The following ZDHHC14 variants were observed in gnomAD, a reference collection of about 807,000 sequenced individuals.
ZDHHC14 encodes the protein palmitoyltransferase ZDHHC14.
Under a neutral mutation model 47.7 loss-of-function variants are expected in ZDHHC14, and 16 were observed. The observed-to-expected ratio is 0.34, with a 90% CI of 0.23 to 0.51. The LOEUF (loss-of-function observed/expected upper bound fraction) is 0.51. ZDHHC14 is among the 20% of genes least tolerant of loss of function. ZDHHC14 has a pLI of 0.97. For synonymous variants in ZDHHC14, 293 were observed against 278.9 expected (o/e 1.05, Z -0.50); for missense variants, 515 against 662.5 (o/e 0.78, Z 2.44).
At chr6:157,419,455 C>T (rs1216557158) in intron 1 of ZDHHC14, among the ~76,000 whole-genome samples, 2 of 152,190 alleles carry the variant, frequency 1.3e-5, no homozygotes, top group Non-Finnish European at 2.9e-5. Context: ...TGTAAATTCC[C>T]CATACACCCT....
chr6:157,484,304 T>TATATATAC (rs1779711587), intron 1 of ZDHHC14, among the ~76,000 whole-genome samples: 1 of 94,130 alleles, frequency 1.1e-5, no homozygotes, highest in Non-Finnish European at 2.2e-5. Flanking sequence ...TATATATATA[T>TATATATAC]ACATATATAT....
At chr6:157,533,997 C>T (rs1781455252) in intron 1 of ZDHHC14, among the ~76,000 whole-genome samples, 1 of 152,294 alleles carries the variant, frequency 6.6e-6, no homozygotes, top group Non-Finnish European at 1.5e-5. Flanking sequence ...TGGCACATTT[C>T]CCCTTAATGA....
rs138383487 is a variant in ZDHHC14 at position 157,589,370 on chromosome 6, A to G, written c.407-3618A>G. ...GGATACAAAACCAAACTATATCAACATCTCGGAGGAGTTTTTAGACATCTC... is the reference window on the plus strand; with the variant it reads ...GGATACAAAACCAAACTATATCAACGTCTCGGAGGAGTTTTTAGACATCTC... On this transcript the variant is annotated intron_variant, in intron 2 of 8. Transcript: ENST00000359775. 2.3e-3 allele frequency among the ~76,000 whole-genome samples: 350 copies of G among 152,196 alleles called. 2 individuals carry two copies. The highest frequency in any genetic ancestry group is 8.1e-3 in the African/African-American group (336 of 41,526).
intron 1 of ZDHHC14, among the ~76,000 whole-genome samples, chr6:157,404,219 C>T (rs148617383): frequency 8.8e-4 from 133 of 151,686 alleles, no homozygotes; most frequent in African/African-American, 3.1e-3. Flanking sequence ...TCACTGCAAC[C>T]TCCACCTCCC....
chr6:157,512,108 C>T (rs139999702), intron 1 of ZDHHC14, among the ~76,000 whole-genome samples: 4 of 152,338 alleles, frequency 2.6e-5, no homozygotes, highest in Non-Finnish European at 5.9e-5. Flanking sequence ...TTAATTCTTG[C>T]AGTTCCCTCC....
intron 8 of ZDHHC14, among the ~76,000 whole-genome samples, chr6:157,668,837 G>A (rs905909942): frequency 5.3e-5 from 8 of 152,254 alleles, no homozygotes; most frequent in African/African-American, 1.7e-4. Context: ...GTCCTGGCCA[G>A]TGAGGCCCAC....
intron 1 of ZDHHC14, among the ~76,000 whole-genome samples, chr6:157,492,157 G>A (rs907216075): frequency 3.3e-5 from 5 of 151,182 alleles, no homozygotes; most frequent in Non-Finnish European, 4.4e-5. Context: ...TTTTCCCTTG[G>A]CTTCTCTGCC....
intron 3 of ZDHHC14, among the ~76,000 whole-genome samples, chr6:157,615,797 G>GTTTTGTT (rs993953363): frequency 1.3e-5 from 2 of 151,558 alleles, no homozygotes; most frequent in Admixed American, 1.3e-4. Context: ...TTTTTGTTTT[G>GTTTTGTT]TTTTGTTTTG....
intron 1 of ZDHHC14, among the ~76,000 whole-genome samples, chr6:157,467,711 G>A (rs1447389333): frequency 6.6e-6 from 1 of 151,892 alleles, no homozygotes; most frequent in Non-Finnish European, 1.5e-5. Flanking sequence ...CAACACGTCT[G>A]GCTAATTTTT....
chr6:157,607,171 G>C lies in ZDHHC14; in HGVS notation c.565+14025G>C, dbSNP rs1030304711. On this transcript the variant is annotated intron_variant, in intron 3 of 8. Coordinates refer to ENST00000359775, the MANE Select transcript of ZDHHC14 (RefSeq NM_024630.3). ...AGAAACATGCTGGGAAGGGGTTCAC[G>C]GGCCTCAGCGGAATGCTGAGGGCTT... 2.6e-5 allele frequency among the ~76,000 whole-genome samples: 4 copies of C among 152,148 alleles called. No individual in the cohort carries two copies. In the East Asian group the frequency reaches 5.8e-4, roughly 22 times the overall value.
chr6:157,384,530 C>G (rs2749665), intron 1 of ZDHHC14, among the ~76,000 whole-genome samples: 1 of 152,074 alleles, frequency 6.6e-6, no homozygotes, highest in African/African-American at 2.4e-5. Context: ...TCTGTGGGAG[C>G]GTATGTGTGT....
At chr6:157,601,728 A>G (rs149973473) in intron 3 of ZDHHC14, among the ~76,000 whole-genome samples, 3,815 of 152,348 alleles carry the variant, frequency 0.025, 52 homozygotes, top group South Asian at 0.03. Context: ...TGTGAAGTCC[A>G]AAGATGAGTT....
intron 2 of ZDHHC14, among the ~76,000 whole-genome samples, chr6:157,571,824 G>A (rs9457836): frequency 1.5e-4 from 20 of 133,022 alleles, no homozygotes; most frequent in Admixed American, 1.4e-3. Flanking sequence ...TAAACCTTTC[G>A]TGAATGGTGC....
intron 8 of ZDHHC14, among the ~76,000 whole-genome samples, chr6:157,665,672 G>T (rs1252368839): frequency 6.6e-6 from 1 of 152,168 alleles, no homozygotes; most frequent in Non-Finnish European, 1.5e-5. Flanking sequence ...CAAAAAATTA[G>T]ATAAATATTG....
chr6:157,406,089 G>A (rs988226635), intron 1 of ZDHHC14, among the ~76,000 whole-genome samples: 1 of 152,138 alleles, frequency 6.6e-6, no homozygotes, highest in Admixed American at 6.5e-5. Flanking sequence ...AATTCCTAGC[G>A]GGAGAGGTAA....
At chr6:157,525,321 C>T (rs918786844) in intron 1 of ZDHHC14, among the ~76,000 whole-genome samples, 1 of 151,940 alleles carries the variant, frequency 6.6e-6, no homozygotes, top group Non-Finnish European at 1.5e-5. Context: ...TCACCATGGC[C>T]AGCTAATTTT....
chr6:157,532,633 G>T (rs1359639358), intron 1 of ZDHHC14, among the ~76,000 whole-genome samples: 1 of 152,204 alleles, frequency 6.6e-6, no homozygotes, highest in Non-Finnish European at 1.5e-5. Context: ...GATGACAGAA[G>T]AACTTTCTCT....
At chr6:157,487,598 G>A (rs1455270840) in intron 1 of ZDHHC14, among the ~76,000 whole-genome samples, 1 of 152,216 alleles carries the variant, frequency 6.6e-6, no homozygotes, top group African/African-American at 2.4e-5. Context: ...TACAGTCTGT[G>A]CATGGCGGAA....
At chr6:157,558,939 C>T (rs1423453783) in intron 2 of ZDHHC14, among the ~76,000 whole-genome samples, 1 of 141,722 alleles carries the variant, frequency 7.1e-6, no homozygotes. Flanking sequence ...GGTGGATTTC[C>T]CCCCAGCTCT....
Sources: gnomAD v4.1 joint callset for allele counts (sites outside exome capture counted in the v4.1 genomes callset) on GRCh38, gnomAD v4.1.1 for gene constraint, MANE v1.5 for transcripts, NCBI Gene and HGNC (gene_info 2026-07-23, HGNC 2026-07-21) for gene names.